MAGEC3: variants seen among roughly 807,000 people sequenced by gnomAD.
MAGEC3 encodes MAGE family member C3.
In MAGEC3, 34 loss-of-function variants were observed where a neutral mutation model predicts 35.3. That is an observed-to-expected ratio of 0.96 (90% CI 0.73 to 1.28). The LOEUF (loss-of-function observed/expected upper bound fraction) is 1.28. MAGEC3 is among the 50% of genes most tolerant of loss of function. The pLI, the probability that MAGEC3 is intolerant of heterozygous loss-of-function variation, is 0.00. For missense variants in MAGEC3, 561 were observed against 483.6 expected, an observed-to-expected ratio of 1.16 and a Z score of -1.50; for synonymous variants, 202 against 185.6, an observed-to-expected ratio of 1.09 and a Z score of -0.72.
intron 1 of MAGEC3, among the ~76,000 whole-genome samples, chrX:141,858,734 A>T (rs1195838432): frequency 9.0e-6 from 1 of 110,515 alleles, no homozygotes; most frequent in Non-Finnish European, 1.9e-5. Flanking sequence ...ATTACTGCAT[A>T]TTTATTTCTG....
chrX:141,894,748 A>C (rs1401050121), intron 4 of MAGEC3: 6 of 966,691 alleles, frequency 6.2e-6, no homozygotes, highest in East Asian at 7.6e-5. Context: ...GGGAAGGCCC[A>C]GGCGTCGCCC....
intron 1 of MAGEC3, among the ~76,000 whole-genome samples, chrX:141,856,331 T>C (rs955743816): frequency 9.0e-6 from 1 of 111,354 alleles, no homozygotes; most frequent in African/African-American, 3.3e-5. Flanking sequence ...TCAAAGTTTT[T>C]CTACCAGAGC....
chrX:141,881,202 C>T (rs1398866157), intron 3 of MAGEC3, among the ~76,000 whole-genome samples: 1 of 110,436 alleles, frequency 9.1e-6, no homozygotes, highest in African/African-American at 3.3e-5. Flanking sequence ...CCTCCTCATC[C>T]TCTACTCTGA....
chrX:141,878,793 T>TG (rs1001905031), intron 2 of MAGEC3, among the ~76,000 whole-genome samples: 2 of 111,515 alleles, frequency 1.8e-5, no homozygotes, highest in African/African-American at 3.3e-5. Flanking sequence ...CACTTCGTCT[T>TG]GGGGGGCGTC....
rs183630171 is a variant in MAGEC3, at chrX:141,842,151, T to G, written c.123+3713T>G. On this transcript the variant is annotated intron_variant, in intron 1 of 7. Transcript: ENST00000298296. Reference sequence around the variant, plus strand: ...GCCATTAAAATTATATTACAAATTATAATATTAAGATAAACTTAAATTATT... The same window carrying G: ...GCCATTAAAATTATATTACAAATTAGAATATTAAGATAAACTTAAATTATT... Among the ~76,000 whole-genome samples the G allele has an allele frequency of 2.0e-4, 22 of 111,789 alleles. No homozygotes were observed. In the East Asian group the frequency reaches 5.6e-3, roughly 29 times the overall value.
chrX:141,851,685 T>A (rs374364725), intron 1 of MAGEC3, among the ~76,000 whole-genome samples: 2 of 110,740 alleles, frequency 1.8e-5, no homozygotes, highest in East Asian at 5.7e-4. Flanking sequence ...ACTAATCTAT[T>A]TTTTAATCCC....
intron 6 of MAGEC3, among the ~76,000 whole-genome samples, chrX:141,896,011 G>A (rs2018090704): frequency 9.0e-6 from 1 of 110,645 alleles, no homozygotes; most frequent in Non-Finnish European, 1.9e-5. Flanking sequence ...GAGTGGTAGG[G>A]ACATGGCCCT....
chrX:141,871,133 C>T (rs937796377), intron 2 of MAGEC3, among the ~76,000 whole-genome samples: 1 of 111,726 alleles, frequency 9.0e-6, no homozygotes, highest in African/African-American at 3.3e-5. Context: ...ACACATAACA[C>T]ATATATAACC....
chrX:141,888,321 G>A (rs1206229593), intron 4 of MAGEC3, among the ~76,000 whole-genome samples: 1 of 112,322 alleles, frequency 8.9e-6, no homozygotes, highest in Non-Finnish European at 1.9e-5. Flanking sequence ...GGACTTCTAA[G>A]TGGGCAGAAC....
intron 3 of MAGEC3, chrX:141,880,746 A>G: frequency 2.4e-6 from 2 of 842,405 alleles, no homozygotes; most frequent in East Asian, 7.9e-5. Flanking sequence ...GCTTTCTCAC[A>G]TCCTCCTACA....
At chrX:141,855,915 G>T (rs1020619242) in intron 1 of MAGEC3, among the ~76,000 whole-genome samples, 8 of 111,400 alleles carry the variant, frequency 7.2e-5, no homozygotes, top group African/African-American at 2.6e-4. Context: ...CAAAAACAGT[G>T]CATCCAAGTT....
chrX:141,884,459 A>G (rs1423692611), intron 4 of MAGEC3, among the ~76,000 whole-genome samples: 1 of 111,470 alleles, frequency 9.0e-6, no homozygotes, highest in Non-Finnish European at 1.9e-5. Context: ...AATAAACTCC[A>G]TAATACACTC....
intron 2 of MAGEC3, among the ~76,000 whole-genome samples, chrX:141,869,970 T>C (rs2124105314): frequency 9.0e-6 from 1 of 111,667 alleles, no homozygotes; most frequent in East Asian, 2.8e-4. Context: ...TTACCTCTTT[T>C]CCAGATGCTT....
intron 1 of MAGEC3, among the ~76,000 whole-genome samples, chrX:141,852,528 T>G (rs1289640152): frequency 9.0e-6 from 1 of 110,935 alleles, no homozygotes; most frequent in African/African-American, 3.3e-5. Flanking sequence ...GGAGAACAGA[T>G]TACAGTCTTT....
chrX:141,842,644 A>T (rs1218625328), intron 1 of MAGEC3, among the ~76,000 whole-genome samples: 1 of 111,196 alleles, frequency 9.0e-6, no homozygotes, highest in African/African-American at 3.3e-5. Flanking sequence ...GTATTCCACA[A>T]GTAGATTCTC....
At chrX:141,867,747 ATAG>A (rs1455373399) in intron 2 of MAGEC3, among the ~76,000 whole-genome samples, 2 of 94,172 alleles carry the variant, frequency 2.1e-5, no homozygotes, top group Non-Finnish European at 4.4e-5. Flanking sequence ...CCTCCTGCAA[ATAG>A]TAGAGTGAGT....
intron 2 of MAGEC3, among the ~76,000 whole-genome samples, chrX:141,874,818 T>TAAAA (rs11396160): frequency 5.1e-5 from 5 of 97,663 alleles, no homozygotes; most frequent in African/African-American, 1.9e-4. Flanking sequence ...CTGGAAATGG[T>TAAAA]AAAAAAAAAA....
rs750147582 is a variant in MAGEC3 at position 141,894,506 on chromosome X, G to A, written c.910-763G>A. The stretch of plus-strand genomic sequence containing the variant: ...AACTTCACACACGGTAGTACTTAAA[G>A]TAGAAGGTTTTGGAATGGATTTTAG... On this transcript the variant is annotated intron_variant, in intron 4 of 7. Coordinates refer to ENST00000298296, the MANE Select transcript of MAGEC3 (RefSeq NM_138702.1). 6.1e-4 allele frequency: 239 copies of A among 392,939 alleles called. 1 individual carries two copies. The highest frequency in any genetic ancestry group is 6.1e-3 in the African/African-American group (228 of 37,535). The allele number at this position is 392,939 out of a possible 1,213,427, so 32.4% of individuals were successfully genotyped here.
chrX:141,839,048 A>G (rs1009259384), intron 1 of MAGEC3, among the ~76,000 whole-genome samples: 12 of 111,257 alleles, frequency 1.1e-4, no homozygotes, highest in South Asian at 7.7e-4. Flanking sequence ...GGGGCCCATG[A>G]TGGTTGAAGG....
Sources: allele counts gnomAD v4.1 joint callset (sites outside exome capture counted in the v4.1 genomes callset), GRCh38; gene constraint gnomAD v4.1.1; transcripts MANE v1.5; gene names NCBI Gene and HGNC (gene_info 2026-07-23, HGNC 2026-07-21).